Variants in CFAP299 observed in about 807,000 individuals in gnomAD.
The protein encoded by CFAP299 is cilia- and flagella-associated protein 299.
A neutral mutation model predicts 27.0 loss-of-function variants in CFAP299; 21 were observed. The ratio of observed to expected loss-of-function variants is 0.78; its 90% CI spans 0.55 to 1.12. The LOEUF is 1.12. Ranked by LOEUF, CFAP299 falls within the 50% of genes most tolerant of loss-of-function variation. CFAP299 has a pLI of 0.00. For synonymous variants in CFAP299, 104 were observed against 98.1 expected (o/e 1.06, Z -0.36); for missense variants, 310 against 276.6 (o/e 1.12, Z -0.86).
intron 3 of CFAP299, among the ~76,000 whole-genome samples, chr4:80,632,576 T>C (rs1739268423): frequency 6.6e-6 from 1 of 152,142 alleles, no homozygotes; most frequent in African/African-American, 2.4e-5. Context: ...AATACTATGA[T>C]GGAAATGAAG....
At chr4:80,688,356 A>C (rs375412730) in intron 3 of CFAP299, among the ~76,000 whole-genome samples, 7,422 of 151,998 alleles carry the variant, frequency 0.049, 342 homozygotes, top group East Asian at 0.22. Context: ...AACGGGCAGA[A>C]TGCCTCCTCA....
intron 2 of CFAP299, among the ~76,000 whole-genome samples, chr4:80,501,519 A>AT (rs1731741738): frequency 6.8e-6 from 1 of 147,842 alleles, no homozygotes; most frequent in African/African-American, 2.4e-5. Context: ...TGTACATATA[A>AT]ATATATAAAT....
chr4:80,494,911 A>G (rs939567620), intron 2 of CFAP299, among the ~76,000 whole-genome samples: 1 of 152,250 alleles, frequency 6.6e-6, no homozygotes, highest in African/African-American at 2.4e-5. Flanking sequence ...TTCAAATTCT[A>G]GCAGGTCAGT....
intron 4 of CFAP299, 142 bp downstream of exon 4, chr4:80,870,277 TAA>T (rs1733006690): frequency 7.8e-7 from 1 of 1,288,810 alleles, no homozygotes; most frequent in East Asian, 2.9e-5. Context: ...AACTAAATCT[TAA>T]AATAAGGAAT....
chr4:80,862,266 A>G (rs1054970867), intron 3 of CFAP299, among the ~76,000 whole-genome samples: 1 of 152,106 alleles, frequency 6.6e-6, no homozygotes, highest in African/African-American at 2.4e-5. Context: ...GCTACTCGGT[A>G]GGCTGAGGCA....
intron 2 of CFAP299, among the ~76,000 whole-genome samples, chr4:80,390,423 T>C (rs945562019): frequency 6.6e-6 from 1 of 151,410 alleles, no homozygotes; most frequent in African/African-American, 2.4e-5. Context: ...TCCAGGTTCA[T>C]AGTGATGTTG....
intron 5 of CFAP299, among the ~76,000 whole-genome samples, chr4:80,962,874 C>A (rs1225655981): frequency 6.6e-6 from 1 of 151,870 alleles, no homozygotes. Flanking sequence ...ATCAGCTTTA[C>A]CTAAACTTCT....
At chr4:80,508,559 G>C (rs1732142601) in intron 2 of CFAP299, among the ~76,000 whole-genome samples, 1 of 152,056 alleles carries the variant, frequency 6.6e-6, no homozygotes. Context: ...CAGCCAAACT[G>C]ATCACCTAAG....
intron 2 of CFAP299, among the ~76,000 whole-genome samples, chr4:80,486,072 G>T (rs1730806537): frequency 1.3e-5 from 2 of 152,104 alleles, no homozygotes; most frequent in African/African-American, 4.8e-5. Flanking sequence ...TGGGTGTACA[G>T]GAACATGCCA....
At chr4:80,438,838 G>T (rs1728214426) in intron 2 of CFAP299, among the ~76,000 whole-genome samples, 1 of 152,100 alleles carries the variant, frequency 6.6e-6, no homozygotes, top group Admixed American at 6.5e-5. Context: ...AAAGTGATTT[G>T]TCTACTCATT....
At chr4:80,328,908 TC>T in the CFAP299 span, among the ~76,000 whole-genome samples, 1 of 152,138 alleles carries the variant, frequency 6.6e-6, no homozygotes, top group African/African-American at 2.4e-5. Context: ...TTAAAACACA[TC>T]ATTCTTGCAT....
chr4:80,784,231 T>C (rs1005971378), intron 3 of CFAP299, among the ~76,000 whole-genome samples: 1 of 152,194 alleles, frequency 6.6e-6, no homozygotes, highest in African/African-American at 2.4e-5. Context: ...TAGTCCTTTG[T>C]GTATATACCC....
chr4:80,947,304 T>G (rs1215673101), intron 5 of CFAP299, among the ~76,000 whole-genome samples: 1 of 152,150 alleles, frequency 6.6e-6, no homozygotes, highest in Non-Finnish European at 1.5e-5. Flanking sequence ...ACAACAACAT[T>G]TGGATACGTA....
intron 2 of CFAP299, among the ~76,000 whole-genome samples, chr4:80,568,194 T>C (rs987975421): frequency 1.3e-5 from 2 of 151,958 alleles, no homozygotes; most frequent in African/African-American, 2.4e-5. Context: ...ATACTGAACC[T>C]ATTTTATATA....
At chr4:80,821,731 T>A (rs1024989962) in intron 3 of CFAP299, among the ~76,000 whole-genome samples, 12 of 152,180 alleles carry the variant, frequency 7.9e-5, no homozygotes, top group African/African-American at 1.9e-4. Context: ...TTGTTACTGA[T>A]GGCCGGCTGG....
At chr4:80,372,750 A>G (rs948894955) in intron 2 of CFAP299, among the ~76,000 whole-genome samples, 1 of 152,210 alleles carries the variant, frequency 6.6e-6, no homozygotes, top group African/African-American at 2.4e-5. Context: ...ATCAATGTGA[A>G]GTTCTGTGGG....
At chr4:80,552,475 C>A (rs1294313672) in intron 2 of CFAP299, among the ~76,000 whole-genome samples, 1 of 152,124 alleles carries the variant, frequency 6.6e-6, no homozygotes, top group Non-Finnish European at 1.5e-5. Flanking sequence ...CATGTGCCAT[C>A]ATGCTTTTAT....
intron 2 of CFAP299, among the ~76,000 whole-genome samples, chr4:80,566,958 TGAG>T (rs1473857433): frequency 6.6e-6 from 1 of 151,894 alleles, no homozygotes; most frequent in Non-Finnish European, 1.5e-5. Flanking sequence ...TGTACAAAAA[TGAG>T]GAGTTCAGAG....
chr4:80,674,753 T>C (rs1197885126), intron 3 of CFAP299, among the ~76,000 whole-genome samples: 1 of 152,156 alleles, frequency 6.6e-6, no homozygotes, highest in Non-Finnish European at 1.5e-5. Flanking sequence ...ACTTCTCCTC[T>C]TGCTTTATTT....
Sources: allele counts gnomAD v4.1 joint callset (sites outside exome capture counted in the v4.1 genomes callset), GRCh38; gene constraint gnomAD v4.1.1; transcripts MANE v1.5; gene names NCBI Gene and HGNC (gene_info 2026-07-23, HGNC 2026-07-21).